The following HEG1 variants were observed in gnomAD, a reference collection of about 807,000 sequenced individuals.
The protein encoded by HEG1 is protein HEG homolog 1.
HEG1 carries 56 observed loss-of-function variants against 125.6 expected under a neutral mutation model. The observed-to-expected ratio is 0.45, with a 90% CI of 0.36 to 0.56. HEG1 has a LOEUF of 0.56. Ranked by LOEUF, HEG1 falls within the 20% of genes least tolerant of loss-of-function variation. HEG1 has a pLI of 0.00. For synonymous variants in HEG1, 644 were observed against 668.5 expected (o/e 0.96, Z 0.57); for missense variants, 1,523 against 1,670.0 (o/e 0.91, Z 1.53).
Position 125,009,805 on chromosome 3 carries a change from C to T in HEG1, c.3093G>A (p.Ser1031=), listed in dbSNP as rs750631598. 2.0e-5 allele frequency: 32 copies of T among 1,612,842 alleles called. No individual in the cohort carries two copies. Among genetic ancestry groups the T allele is most frequent in the East Asian group, 4.5e-5 (2 of 44,888 alleles). The change falls in exon 8 of 17, where the codon TCG becomes TCA. Residue 1031 remains serine (S), a synonymous_variant. Coordinates refer to ENST00000311127, the MANE Select transcript of HEG1 (RefSeq NM_020733.2). The part of the protein sequence containing the change: ...DCSVDVNECL[S]NPCPSTAMCN... ...ACATGGCTGTGGATGGGCAGGGGTT[C>T]GACAGGCACTCATTCACATCTGTAG... is the stretch of plus-strand genomic sequence containing the variant.
At chr3:125,040,776 C>T (rs1937588045) in intron 1 of HEG1, among the ~76,000 whole-genome samples, 1 of 151,732 alleles carries the variant, frequency 6.6e-6, no homozygotes, top group Non-Finnish European at 1.5e-5. Context: ...TGATGGATGG[C>T]CACAGACTGA....
At chr3:125,033,379 C>T (rs1398570455) in intron 1 of HEG1, among the ~76,000 whole-genome samples, 4 of 152,060 alleles carry the variant, frequency 2.6e-5, no homozygotes, top group East Asian at 1.9e-4. Flanking sequence ...GGGAATCCAA[C>T]GGGAAACCAC....
rs566766435 is a variant in HEG1 at position 125,045,306 on chromosome 3, G to A, written c.316+10269C>T. Among the ~76,000 whole-genome samples, 140 of 152,152 alleles carry A rather than the reference G, an allele frequency of 9.2e-4. 1 individual carries two copies. Among genetic ancestry groups the A allele is most frequent in the South Asian group, 8.7e-3 (42 of 4,808 alleles). ...TAGACTGTCCTACTTCCTTCCCCTC[G>A]GCCTCCTGGCAAAATCAGCTCAGAG... On this transcript the variant is annotated intron_variant, in intron 1 of 16. Transcript: ENST00000311127.
In HEG1 at chr3:125,005,246, T is replaced by C; in HGVS notation, c.3297+19A>G. On this transcript the variant is annotated intron_variant, in intron 9 of 16. Coordinates refer to ENST00000311127, the MANE Select transcript of HEG1 (RefSeq NM_020733.2). Reference sequence around the variant, plus strand: ...AGGAAACAAAAGACGAGTAGAAAGATGCCATTCAGGACACTTACCGTTTTG... The same window carrying C: ...AGGAAACAAAAGACGAGTAGAAAGACGCCATTCAGGACACTTACCGTTTTG... The C allele has an allele frequency of 7.1e-7, 1 of 1,414,328 alleles. No homozygotes were observed. The highest frequency in any genetic ancestry group is 9.9e-7 in the Non-Finnish European group (1 of 1,013,654). The allele number at this position is 1,414,328 out of a possible 1,614,324, so 87.6% of individuals were successfully genotyped here.
At chr3:125,022,408 A>AGAGG (rs1937348459) in intron 3 of HEG1, among the ~76,000 whole-genome samples, 1 of 151,704 alleles carries the variant, frequency 6.6e-6, no homozygotes. Context: ...AGAGAGAGAG[A>AGAGG]GAGAGAGAGA....
chr3:125,012,564 A>G, intron 6 of HEG1, 59 bp downstream of exon 6: 1 of 1,486,880 alleles, frequency 6.7e-7, no homozygotes, highest in Non-Finnish European at 9.1e-7. Context: ...AGCCCCATGT[A>G]GCTCTCAGTG....
chr3:125,015,482 C>T (rs10934706), intron 5 of HEG1, among the ~76,000 whole-genome samples: 74,687 of 152,102 alleles, frequency 0.49, 18,820 homozygotes, highest in Middle Eastern at 0.64. Context: ...AGTCATTACA[C>T]GGCATTAGTA....
intron 1 of HEG1, among the ~76,000 whole-genome samples, chr3:125,034,236 C>T (rs1273678586): frequency 4.6e-5 from 2 of 43,800 alleles, no homozygotes; most frequent in Non-Finnish European, 1.1e-4. Flanking sequence ...ATCCACACCT[C>T]TTTGTCTGGT....
At chr3:125,023,674 T>C (rs1937371352) in intron 3 of HEG1, among the ~76,000 whole-genome samples, 1 of 152,072 alleles carries the variant, frequency 6.6e-6, no homozygotes, top group Non-Finnish European at 1.5e-5. Context: ...CTGGGGGAAA[T>C]GTACCACATT....
At chr3:125,045,884 C>T (rs553760619) in intron 1 of HEG1, among the ~76,000 whole-genome samples, 18 of 152,310 alleles carry the variant, frequency 1.2e-4, no homozygotes, top group African/African-American at 4.3e-4. Context: ...GAAGCAGGTA[C>T]AGAAGTTAAA....
Position 124,973,888 on chromosome 3 carries a change from A to G in HEG1, c.3839T>C (p.Ile1280Thr). 1 of 1,611,640 alleles carries G rather than the reference A, an allele frequency of 6.2e-7. No homozygotes were observed. Among genetic ancestry groups the G allele is most frequent in the Non-Finnish European group, 8.5e-7 (1 of 1,178,506 alleles). ...VTCCRKNKND[I>T]SKLIFKSGDF... ...TCCACTTTTGAAGATGAGTTTGCTT[A>G]TGTCATTTTTATTCTTTCTGTGGGA... Residue 1280 changes from isoleucine to threonine, a missense_variant, in exon 16 of 17, where the codon ATA becomes ACA. Transcript: ENST00000311127.
At chr3:124,992,872 C>A (rs1207048446) in intron 12 of HEG1, among the ~76,000 whole-genome samples, 1 of 152,250 alleles carries the variant, frequency 6.6e-6, no homozygotes, top group African/African-American at 2.4e-5. Context: ...ACTGTTTTGA[C>A]CCCACAGTAT....
At chr3:125,051,785 C>T (rs1443498170) in intron 1 of HEG1, among the ~76,000 whole-genome samples, 1 of 152,184 alleles carries the variant, frequency 6.6e-6, no homozygotes, top group African/African-American at 2.4e-5. Context: ...CTAACAAAAC[C>T]ACAACTGCCA....
chr3:125,025,049 C>T (rs1363098688), intron 3 of HEG1, among the ~76,000 whole-genome samples: 1 of 152,224 alleles, frequency 6.6e-6, no homozygotes, highest in East Asian at 1.9e-4. Context: ...GAGCCGACTC[C>T]AGGTCTCCCT....
intron 6 of HEG1, among the ~76,000 whole-genome samples, chr3:125,011,964 C>T (rs985776712): frequency 2.6e-5 from 4 of 152,160 alleles, no homozygotes; most frequent in Non-Finnish European, 5.9e-5. Flanking sequence ...CAAAAACAAC[C>T]CTAAGTGTGA....
chr3:125,007,661 G>A lies in HEG1; in HGVS notation c.3193+2044C>T, dbSNP rs1345884164. ...TGATCTTCACAATAATCTTGAGTGG[G>A]AAGCAGGACAGATGGTAATCTGATT... On this transcript the variant is annotated intron_variant, in intron 8 of 16. Transcript: ENST00000311127. 2.0e-5 allele frequency among the ~76,000 whole-genome samples: 3 copies of A among 152,158 alleles called. No homozygotes were observed. The East Asian group carries it at 5.8e-4, about 29-fold the overall frequency.
intron 1 of HEG1, among the ~76,000 whole-genome samples, chr3:125,032,454 T>C (rs2107708669): frequency 6.6e-6 from 1 of 152,296 alleles, no homozygotes; most frequent in African/African-American, 2.4e-5. Context: ...TGGGCTCCTC[T>C]GGGGCCCAGT....
Position 125,019,369 on chromosome 3 carries a change from T to G in HEG1, c.1481A>C (p.Gln494Pro). Residue 494 changes from glutamine (Q) to proline (P), a missense_variant, in exon 5 of 17, where the codon CAG becomes CCG. By Grantham distance (76) the Gln-to-Pro change is moderately conservative (BLOSUM62 -1). Coordinates refer to ENST00000311127, the MANE Select transcript of HEG1 (RefSeq NM_020733.2). Reference protein sequence around the residue: ...VLTQFSDSTVQSGGSHTALGD... With the variant: ...VLTQFSDSTVPSGGSHTALGD... ...CAATGCTGTGTGACTTCCTCCAGAC[T>G]GTACAGTAGAGTCTGAGAACTGGGT... The G allele has an allele frequency of 6.2e-7, 1 of 1,614,046 alleles. No individual in the cohort carries two copies. Among genetic ancestry groups the G allele is most frequent in the Non-Finnish European group, 8.5e-7 (1 of 1,179,884 alleles).
chr3:124,990,761 A>G (rs1185498684), intron 14 of HEG1, 26 bp downstream of exon 14: 1 of 1,555,210 alleles, frequency 6.4e-7, no homozygotes, highest in African/African-American at 1.4e-5. Flanking sequence ...CTGCCCACGC[A>G]TAATGGTCCA....
Sources: gnomAD v4.1 joint callset for allele counts (sites outside exome capture counted in the v4.1 genomes callset) on GRCh38, gnomAD v4.1.1 for gene constraint, MANE v1.5 for transcripts, NCBI Gene and HGNC (gene_info 2026-07-23, HGNC 2026-07-21) for gene names.